CALD1: variants seen among roughly 807,000 people sequenced by gnomAD.
CALD1 encodes the protein caldesmon.
A neutral mutation model predicts 99.9 loss-of-function variants in CALD1; 33 were observed. The ratio of observed to expected loss-of-function variants is 0.33; its 90% CI spans 0.25 to 0.44. The LOEUF (loss-of-function observed/expected upper bound fraction) is 0.44, where lower values mean the gene tolerates loss of function less well. CALD1 is among the 20% of genes least tolerant of loss of function. The pLI is 1.00. For missense variants in CALD1, 861 were observed against 962.1 expected (o/e 0.89, Z 1.39); for synonymous variants, 310 against 325.0 (o/e 0.95, Z 0.50).
rs887980138 is a variant in CALD1, at chr7:134,858,580, C to CT, written c.-41-9103dup. On this transcript the variant is annotated intron_variant, in intron 2 of 14. Transcript: ENST00000361675. Reference sequence around the variant, plus strand: ...TTTCATATTAGGAGTTGAAAGATCTCTTTTTTTTTTGAGACAGTCTTGTTA... The same window carrying CT: ...TTTCATATTAGGAGTTGAAAGATCTCTTTTTTTTTTTGAGACAGTCTTGTTA... 4.5e-4 allele frequency among the ~76,000 whole-genome samples: 67 copies of CT among 149,232 alleles called. 1 individual carries two copies. The highest frequency in any genetic ancestry group is 1.0e-3 in the African/African-American group (42 of 40,732).
chr7:134,772,845 G>C (rs1796887408), intron 1 of CALD1, among the ~76,000 whole-genome samples: 1 of 95,158 alleles, frequency 1.1e-5, no homozygotes, highest in Non-Finnish European at 1.9e-5. Flanking sequence ...CGTCTCTAAT[G>C]GTTGTTTCTT....
intron 2 of CALD1, among the ~76,000 whole-genome samples, chr7:134,852,280 G>C (rs1327594103): frequency 6.6e-6 from 1 of 151,840 alleles, no homozygotes; most frequent in Non-Finnish European, 1.5e-5. Flanking sequence ...CAAGAAGCCA[G>C]AGACAAAGGC....
intron 1 of CALD1, among the ~76,000 whole-genome samples, chr7:134,833,465 A>G (rs3800720): frequency 6.6e-6 from 1 of 152,214 alleles, no homozygotes; most frequent in East Asian, 1.9e-4. Flanking sequence ...CCACGTTACC[A>G]TCAACCAGCT....
intron 1 of CALD1, among the ~76,000 whole-genome samples, chr7:134,815,425 A>G (rs1364756992): frequency 3.3e-5 from 5 of 152,080 alleles, no homozygotes; most frequent in African/African-American, 1.2e-4. Context: ...TGCCTCCTGG[A>G]GAAGTTTCCC....
At chr7:134,930,776 C>A (rs1805461599) in intron 4 of CALD1, among the ~76,000 whole-genome samples, 1 of 152,164 alleles carries the variant, frequency 6.6e-6, no homozygotes, top group Non-Finnish European at 1.5e-5. Context: ...TGTAACAATA[C>A]ATGTAAAATG....
intron 3 of CALD1, among the ~76,000 whole-genome samples, chr7:134,923,981 C>A (rs1354562662): frequency 6.6e-6 from 1 of 152,132 alleles, no homozygotes; most frequent in Non-Finnish European, 1.5e-5. Flanking sequence ...TGAAAACAAT[C>A]TTAAATGTGC....
At chr7:134,768,184 AT>A (rs1455812095) in intron 1 of CALD1, among the ~76,000 whole-genome samples, 2 of 152,040 alleles carry the variant, frequency 1.3e-5, no homozygotes, top group Admixed American at 6.6e-5. Flanking sequence ...AAACAGTACC[AT>A]TTATCTCAGG....
At chr7:134,961,061 T>C (rs987958006) in intron 13 of CALD1, 1 of 152,658 alleles carries the variant, frequency 6.6e-6, no homozygotes, top group African/African-American at 2.4e-5. Flanking sequence ...TATGTTCCAA[T>C]TTGCCTCATT....
At chr7:134,826,327 T>C (rs1387956935) in intron 1 of CALD1, among the ~76,000 whole-genome samples, 1 of 152,174 alleles carries the variant, frequency 6.6e-6, no homozygotes, top group African/African-American at 2.4e-5. Flanking sequence ...GTTCTGCTGA[T>C]GTTGCTCCTT....
At chr7:134,872,808 T>C (rs1028269567) in intron 3 of CALD1, among the ~76,000 whole-genome samples, 4 of 152,208 alleles carry the variant, frequency 2.6e-5, no homozygotes, top group African/African-American at 4.8e-5. Flanking sequence ...TTAAAAGCAA[T>C]TACTCATTTG....
chr7:134,717,830 A>T, the CALD1 span, among the ~76,000 whole-genome samples: 1 of 152,244 alleles, frequency 6.6e-6, no homozygotes, highest in African/African-American at 2.4e-5. Flanking sequence ...AGAATTAAAA[A>T]ACAAATGACT....
At chr7:134,793,049 G>A (rs979686591) in intron 1 of CALD1, among the ~76,000 whole-genome samples, 3 of 152,218 alleles carry the variant, frequency 2.0e-5, no homozygotes, top group African/African-American at 4.8e-5. Flanking sequence ...ATGAAACCAC[G>A]GCGGCAGACC....
chr7:134,947,475 T>G, intron 7 of CALD1, 33 bp from the exon 8 acceptor site: 3 of 1,555,648 alleles, frequency 1.9e-6, no homozygotes, highest in African/African-American at 1.4e-5. Flanking sequence ...GGCAAAAGCA[T>G]GTAAACCCCT....
intron 3 of CALD1, among the ~76,000 whole-genome samples, chr7:134,916,199 G>C (rs1804191581): frequency 6.6e-6 from 1 of 152,186 alleles, no homozygotes; most frequent in Admixed American, 6.5e-5. Flanking sequence ...GACCTCTGGA[G>C]TCAGGCAGGT....
At chr7:134,881,064 G>T (rs957768338) in intron 3 of CALD1, among the ~76,000 whole-genome samples, 1 of 152,138 alleles carries the variant, frequency 6.6e-6, no homozygotes, top group Non-Finnish European at 1.5e-5. Flanking sequence ...GCTTCAGAAA[G>T]GTGTCAGTTT....
At chr7:134,793,703 A>G (rs1181044255) in intron 1 of CALD1, among the ~76,000 whole-genome samples, 3 of 152,156 alleles carry the variant, frequency 2.0e-5, no homozygotes, top group Non-Finnish European at 4.4e-5. Context: ...CCTAAAATGC[A>G]GTCCCGAAGT....
At chr7:134,863,763 A>T (rs1157475078) in intron 2 of CALD1, among the ~76,000 whole-genome samples, 2 of 152,268 alleles carry the variant, frequency 1.3e-5, no homozygotes, top group African/African-American at 4.8e-5. Flanking sequence ...CTAAATTTTT[A>T]AAGGAAACGA....
At chr7:134,739,722 C>T (rs575251095), upstream of CALD1, among the ~76,000 whole-genome samples, 1 of 152,014 alleles carries the variant, frequency 6.6e-6, no homozygotes, top group Non-Finnish European at 1.5e-5. Flanking sequence ...TGGAAGGCAG[C>T]CTGTCAATCA....
intron 1 of CALD1, among the ~76,000 whole-genome samples, chr7:134,768,206 T>G (rs773682123): frequency 2.6e-5 from 4 of 152,204 alleles, no homozygotes; most frequent in Non-Finnish European, 4.4e-5. Context: ...AGCTCCTTCA[T>G]CTACACTGGG....
Sources: gnomAD v4.1 joint callset for allele counts (sites outside exome capture counted in the v4.1 genomes callset) on GRCh38, gnomAD v4.1.1 for gene constraint, MANE v1.5 for transcripts, NCBI Gene and HGNC (gene_info 2026-07-23, HGNC 2026-07-21) for gene names.